CD44: variants seen among roughly 807,000 people sequenced by gnomAD.
The protein encoded by CD44 is CD44 antigen.
A neutral mutation model predicts 88.8 loss-of-function variants in CD44; 49 were observed. The observed-to-expected ratio is 0.55, with a 90% confidence interval of 0.44 to 0.70. The LOEUF (loss-of-function observed/expected upper bound fraction) is 0.70. Among genes scored for constraint, CD44 ranks in the 30% least tolerant of loss-of-function variants. The pLI is 0.00. For missense variants in CD44, 883 were observed against 913.8 expected (o/e 0.97, Z 0.43); for synonymous variants, 325 against 312.3 (o/e 1.04, Z -0.43).
intron 3 of CD44, among the ~76,000 whole-genome samples, chr11:35,182,641 A>G (rs1182812807): frequency 6.6e-6 from 1 of 152,208 alleles, no homozygotes; most frequent in African/African-American, 2.4e-5. Flanking sequence ...ACATAGAGCA[A>G]CATGTGGTCT....
intron 1 of CD44, among the ~76,000 whole-genome samples, chr11:35,160,467 C>A (rs1942457754): frequency 6.6e-6 from 1 of 152,160 alleles, no homozygotes; most frequent in Non-Finnish European, 1.5e-5. Context: ...ACCATAACCA[C>A]CTTGACACCA....
chr11:35,191,245 G>A (rs769103095), intron 5 of CD44, among the ~76,000 whole-genome samples: 8 of 152,202 alleles, frequency 5.3e-5, no homozygotes, highest in Non-Finnish European at 1.0e-4. Context: ...AACCCCCACA[G>A]TACTGTGATT....
intron 15 of CD44, 49 bp from the exon 16 acceptor site, chr11:35,219,267 T>G: frequency 7.1e-7 from 1 of 1,403,820 alleles, no homozygotes; most frequent in East Asian, 2.3e-5. Flanking sequence ...AAGGAACTCA[T>G]GGTTACACAT....
intron 1 of CD44, among the ~76,000 whole-genome samples, chr11:35,154,605 T>C (rs1941610349): frequency 1.3e-5 from 2 of 152,248 alleles, no homozygotes; most frequent in Admixed American, 6.5e-5. Flanking sequence ...GAATAAAGTT[T>C]ATTCTCTCAA....
rs35911720 is a variant in CD44 at position 35,196,813 on chromosome 11, T to C, written c.735T>C (p.Phe245=). ...ATKRQETWDW[F]SWLFLPSESK... ...AGAGGCAAGAAACCTGGGATTGGTTTTCATGGTTGTTTCTACCATCAGAGT... is the reference window on the plus strand; with the variant it reads ...AGAGGCAAGAAACCTGGGATTGGTTCTCATGGTTGTTTCTACCATCAGAGT... Residue 245 remains phenylalanine (F), a synonymous_variant, in exon 6 of 18, where the codon TTT becomes TTC. Transcript: ENST00000428726. 1,336 of 1,613,774 alleles carry C rather than the reference T, an allele frequency of 8.3e-4. 10 individuals carry two copies. In the African/African-American group the frequency reaches 0.017, roughly 20 times the overall value.
chr11:35,222,120 A>T (rs2134369646), intron 17 of CD44, among the ~76,000 whole-genome samples: 1 of 152,370 alleles, frequency 6.6e-6, no homozygotes. Context: ...GAAGGCACAC[A>T]AAAGTATATA....
At chr11:35,152,472 C>T (rs918354565) in intron 1 of CD44, among the ~76,000 whole-genome samples, 5 of 152,228 alleles carry the variant, frequency 3.3e-5, no homozygotes, top group Non-Finnish European at 7.3e-5. Context: ...TTGGCTTTAT[C>T]TGTCTAATGG....
chr11:35,187,313 A>G (rs528995837), intron 4 of CD44, among the ~76,000 whole-genome samples: 125 of 152,246 alleles, frequency 8.2e-4, no homozygotes, highest in Middle Eastern at 3.4e-3. Context: ...TTTCCCTAAG[A>G]CTAAGTAAGG....
intron 3 of CD44, 122 bp from the exon 4 acceptor site, chr11:35,186,710 G>A (rs918250952): frequency 1.7e-5 from 10 of 601,260 alleles, no homozygotes; most frequent in South Asian, 6.7e-5. Flanking sequence ...TAGGAGTTTC[G>A]GAAAAAGAAA....
intron 12 of CD44, among the ~76,000 whole-genome samples, 180 bp downstream of exon 12, chr11:35,208,386 C>T (rs2134150145): frequency 6.6e-6 from 1 of 152,272 alleles, no homozygotes; most frequent in Non-Finnish European, 1.5e-5. Context: ...ACCTGATTTT[C>T]CCTTCATTTC....
At chr11:35,178,472 G>T (rs1221701331) in intron 2 of CD44, among the ~76,000 whole-genome samples, 1 of 152,206 alleles carries the variant, frequency 6.6e-6, no homozygotes, top group African/African-American at 2.4e-5. Flanking sequence ...TAGGATTCTG[G>T]TTCTGCTTAG....
At chr11:35,181,764 A>G (rs1422555478) in intron 3 of CD44, among the ~76,000 whole-genome samples, 2 of 120,206 alleles carry the variant, frequency 1.7e-5, no homozygotes, top group African/African-American at 6.6e-5. Flanking sequence ...ATTTATATTT[A>G]TATATTTATA....
chr11:35,221,590 C>A, intron 16 of CD44, 64 bp from the exon 17 acceptor site: 1 of 1,385,484 alleles, frequency 7.2e-7, no homozygotes. Flanking sequence ...TTATAAAGTG[C>A]ATTTTTGTTT....
intron 1 of CD44, among the ~76,000 whole-genome samples, chr11:35,155,763 C>T (rs1163871277): frequency 2.0e-5 from 3 of 152,170 alleles, no homozygotes; most frequent in South Asian, 4.1e-4. Flanking sequence ...AAAAGAATTC[C>T]TACGAACCTG....
At chr11:35,141,080 C>T (rs1343424561) in intron 1 of CD44, among the ~76,000 whole-genome samples, 1 of 151,998 alleles carries the variant, frequency 6.6e-6, no homozygotes, top group East Asian at 1.9e-4. Flanking sequence ...CTGTGCCAGG[C>T]ATTATGTTAA....
chr11:35,210,077 G>T, intron 13 of CD44, 23 bp downstream of exon 13: 1 of 1,391,284 alleles, frequency 7.2e-7, no homozygotes. Context: ...AAACCTAGTT[G>T]GCTTCAGCTA....
intron 9 of CD44, among the ~76,000 whole-genome samples, chr11:35,204,155 G>T (rs1344079412): frequency 1.3e-5 from 2 of 152,142 alleles, no homozygotes; most frequent in Non-Finnish European, 2.9e-5. Context: ...GGAGCAAAGA[G>T]GTTATTCTTT....
At chr11:35,151,210 A>T (rs1196863176) in intron 1 of CD44, among the ~76,000 whole-genome samples, 1 of 152,000 alleles carries the variant, frequency 6.6e-6, no homozygotes, top group African/African-American at 2.4e-5. Flanking sequence ...GGGCCAGGGG[A>T]GGGGTCTGTC....
At chr11:35,168,309 A>G (rs910463468) in intron 1 of CD44, among the ~76,000 whole-genome samples, 2 of 152,358 alleles carry the variant, frequency 1.3e-5, no homozygotes, top group Admixed American at 6.5e-5. Flanking sequence ...GATCAGCCAG[A>G]TTGCCCAGTC....
Sources: gnomAD v4.1 joint callset for allele counts (sites outside exome capture counted in the v4.1 genomes callset) on GRCh38, gnomAD v4.1.1 for gene constraint, MANE v1.5 for transcripts, NCBI Gene and HGNC (gene_info 2026-07-23, HGNC 2026-07-21) for gene names.